KAT5: variants seen among roughly 807,000 people sequenced by gnomAD.
KAT5 encodes the protein histone acetyltransferase KAT5.
A neutral mutation model predicts 68.1 loss-of-function variants in KAT5; 31 were observed. That is an observed-to-expected ratio of 0.46 (90% CI 0.34 to 0.61). The LOEUF is 0.61. Among genes scored for constraint, KAT5 ranks in the 20% least tolerant of loss-of-function variants. The pLI is 0.01. For missense variants in KAT5, 451 were observed against 725.5 expected (o/e 0.62, Z 4.35); for synonymous variants, 365 against 292.6 (o/e 1.25, Z -2.52).
Position 65,714,744 on chromosome 11 carries a change from G to A in KAT5, c.939+1G>A. ...TCTCAAGTGTCTTCAGCGTCATTTG[G>A]TATGAGGGGTCCAGGGAGGCTGCCT... On this transcript the variant is annotated splice_donor_variant, in intron 7 of 12. Transcript: ENST00000341318. LOFTEE classifies it high-confidence loss of function. 6.2e-7 allele frequency: 1 copy of A among 1,614,158 alleles called. No homozygotes were observed. The highest frequency in any genetic ancestry group is 1.3e-5 in the African/African-American group (1 of 75,020).
chr11:65,714,555 T>C lies in KAT5; in HGVS notation c.751T>C (p.Ser251Pro). The change falls in exon 7 of 13, where the codon TCT (serine) becomes CCT (proline). Residue 251 changes from serine to proline, a missense_variant. Physicochemically the swap from Ser to Pro is moderately conservative, Grantham distance 74 (BLOSUM62 -1). This residue lies in a region of KAT5 where 210 missense variants were observed against 423.7 expected (regional missense o/e 0.50). Coordinates refer to ENST00000341318, the MANE Select transcript of KAT5 (RefSeq NM_182710.3). ...SAPRMTGSLV[S>P]DRSHDDIVTR... is the part of the protein sequence containing the mutation. ...ACCACGCATGACTGGCAGCCTGGTG[T>C]CTGATCGAAGCCACGACGACATCGT... 1 of 1,614,126 alleles carries C rather than the reference T, an allele frequency of 6.2e-7. No individual in the cohort carries two copies. The highest frequency in any genetic ancestry group is 2.2e-5 in the East Asian group (1 of 44,876).
chr11:65,715,556 C>A (rs776988750), intron 8 of KAT5, among the ~76,000 whole-genome samples: 2 of 149,636 alleles, frequency 1.3e-5, no homozygotes, highest in Non-Finnish European at 3.0e-5. Flanking sequence ...GTCAGGAGAT[C>A]GAGACCATCC....
In KAT5 at chr11:65,719,211, G is replaced by A. The variant is rs200332583; in HGVS notation, c.*30G>A. On this transcript the variant is annotated 3_prime_UTR_variant, in exon 13 of 13. Transcript: ENST00000341318. The stretch of plus-strand genomic sequence containing the variant: ...ACACTGCCCACTGCAGTGCCAAGAC[G>A]GCAGCAGGACTGGGGCTGATAGCCC... 1,740 of 1,609,700 alleles carry A rather than the reference G, an allele frequency of 1.1e-3. 28 individuals carry two copies. In the South Asian group the frequency reaches 0.018, roughly 16 times the overall value.
chr11:65,712,625 G>T (rs1397890910), intron 1 of KAT5, 141 bp from the exon 2 acceptor site: 1 of 1,219,324 alleles, frequency 8.2e-7, no homozygotes, highest in Non-Finnish European at 1.2e-6. Flanking sequence ...GAAAGGGGTG[G>T]CACTTGTGAC....
chr11:65,714,219 C>A, intron 6 of KAT5: 1 of 538,738 alleles, frequency 1.9e-6, no homozygotes, highest in Non-Finnish European at 3.3e-6. Flanking sequence ...TGCTTGAACC[C>A]CGGAGGTGGA....
rs1469964089 is a variant in KAT5, at chr11:65,718,724, G to A, written c.1399G>A (p.Gly467Arg). 6.2e-7 allele frequency: 1 copy of A among 1,614,160 alleles called. No individual in the cohort carries two copies. The change falls in exon 11 of 13, where the codon GGG (glycine) becomes AGG (arginine). Residue 467 changes from glycine (G) to arginine (R), a missense_variant. Physicochemically the swap from Gly to Arg is moderately radical, Grantham distance 125. Transcript: ENST00000341318. ...CCTGATGGGGCTGAAGTCGGAGAGC[G>A]GGGAGAGGCCACAGATCACCATCAA... The part of the protein sequence containing the change: ...EILMGLKSES[G>R]ERPQITINEI...
chr11:65,719,325 G>A lies in KAT5; in HGVS notation c.*144G>A, dbSNP rs994156650. 3.0e-6 allele frequency: 3 copies of A among 995,888 alleles called. No individual in the cohort carries two copies. In the African/African-American group the frequency reaches 4.9e-5, roughly 16 times the overall value. The allele number at this position is 995,888 out of a possible 1,614,324, so 61.7% of individuals were successfully genotyped here. A position where few individuals can be genotyped will look rare whatever the true frequency, so the allele number is the denominator to read the frequency against. On this transcript the variant is annotated 3_prime_UTR_variant, in exon 13 of 13. Coordinates refer to ENST00000341318, the MANE Select transcript of KAT5 (RefSeq NM_182710.3). ...AAAGGAGAGGACAGGCCTGGCAGGG[G>A]CCCACTGGTGCCCAGCACCAAGGCG...
chr11:65,713,779 A>T lies in KAT5; in HGVS notation c.621A>T (p.Gly207=). The change falls in exon 6 of 13, where the codon GGA becomes GGT. Residue 207 remains glycine, a synonymous_variant. Transcript: ENST00000341318. ...TAPASVFPQN[G]AARRAVAAQP... is the part of the protein sequence containing the mutation. ...TTTTCCTACTATCTCGGCAGAATGG[A>T]GCCGCCCGTAGGGCAGTGGCAGCCC... The T allele has an allele frequency of 6.2e-7, 1 of 1,611,634 alleles. No individual in the cohort carries two copies. Among genetic ancestry groups the T allele is most frequent in the Non-Finnish European group, 8.5e-7 (1 of 1,178,902 alleles).
chr11:65,712,802 G>A lies in KAT5; in HGVS notation c.215G>A (p.Gly72Asp), dbSNP rs1857067556. The A allele has an allele frequency of 1.9e-6, 3 of 1,614,112 alleles. No individual in the cohort carries two copies. The highest frequency in any genetic ancestry group is 2.7e-5 in the African/African-American group (2 of 75,010). ...ATCCTGAGCGTGAAGGACATCAGTG[G>A]CCGGAAGCTTTTCTACGTCCATTAC... is the stretch of plus-strand genomic sequence containing the variant. The part of the protein sequence containing the change: ...AEILSVKDIS[G>D]RKLFYVHYID... The change falls in exon 2 of 13, where the codon GGC (glycine) becomes GAC (aspartate). Residue 72 changes from glycine (G) to aspartate (D), a missense_variant. Gly to Asp is a moderately conservative substitution (Grantham distance 94). Transcript: ENST00000341318.
intron 12 of KAT5, 31 bp downstream of exon 12, chr11:65,718,985 TG>T (rs768739861): frequency 1.2e-6 from 2 of 1,613,934 alleles, no homozygotes; most frequent in African/African-American, 2.7e-5. Context: ...GACAGGTGTG[TG>T]GGATGCAGAG....
At chr11:65,713,991 C>T (rs1857115898) in intron 6 of KAT5, 143 bp downstream of exon 6, 1 of 776,016 alleles carries the variant, frequency 1.3e-6, no homozygotes, top group Non-Finnish European at 2.1e-6. Context: ...ACAGGCAGAA[C>T]ATTGTTCAAA....
At chr11:65,712,208 G>A (rs1486265003), upstream of KAT5, 42 of 1,374,036 alleles carry the variant, frequency 3.1e-5, no homozygotes, top group Non-Finnish European at 3.7e-5. Flanking sequence ...CCCACAGGGC[G>A]CTCGGTCCCG....
At chr11:65,714,432 T>G (rs1388677416) in intron 6 of KAT5, 63 bp from the exon 7 acceptor site, 2 of 1,572,652 alleles carry the variant, frequency 1.3e-6, no homozygotes, top group Non-Finnish European at 1.7e-6. Flanking sequence ...CAAAGGGCTG[T>G]GAGCTGTGGT....
chr11:65,713,166 T>C, intron 3 of KAT5, 108 bp downstream of exon 3: 1 of 1,455,978 alleles, frequency 6.9e-7, no homozygotes, highest in Non-Finnish European at 9.4e-7. Context: ...TCACCCTGAC[T>C]TCATCTTGCA....
In KAT5 at chr11:65,713,710, C is replaced by T. The variant is rs186177099; in HGVS notation, c.615+43C>T. ...TCTCTTGTTCTCTTCCTCTCTTCTA[C>T]TCTCTGGTGGCTTTTTTCAGGCTCA... On this transcript the variant is annotated intron_variant, in intron 5 of 12. Coordinates refer to ENST00000341318, the MANE Select transcript of KAT5 (RefSeq NM_182710.3). 172 of 1,613,384 alleles carry T rather than the reference C, an allele frequency of 1.1e-4. No homozygotes were observed. In the East Asian group the frequency reaches 3.0e-3, roughly 28 times the overall value.
chr11:65,713,016 C>T lies in KAT5; in HGVS notation c.342C>T (p.Asn114=), dbSNP rs372595844. The part of the protein sequence containing the change: ...PKKEAKTPTK[N]GLPGSRPGSP... The stretch of plus-strand genomic sequence containing the variant: ...AAGAGGCCAAGACCCCCACTAAGAA[C>T]GGACTTCCTGGGTCCCGTCCTGGCT... Residue 114 remains asparagine (N), a synonymous_variant, in exon 3 of 13, where the codon AAC becomes AAT. Coordinates refer to ENST00000341318, the MANE Select transcript of KAT5 (RefSeq NM_182710.3). 5.6e-6 allele frequency: 9 copies of T among 1,613,666 alleles called. No homozygotes were observed. The highest frequency in any genetic ancestry group is 2.2e-5 in the East Asian group (1 of 44,894).
At chr11:65,715,754 G>A (rs370571861) in intron 8 of KAT5, among the ~76,000 whole-genome samples, 3 of 150,136 alleles carry the variant, frequency 2.0e-5, no homozygotes, top group East Asian at 3.9e-4. Flanking sequence ...GCAAGACTTC[G>A]TGTAAAAAAA....
At position 65,716,658 on chromosome 11, in the gene KAT5, C is replaced by T. The variant is rs779035666; in HGVS notation, c.1030-9C>T. 2.5e-6 allele frequency: 4 copies of T among 1,612,968 alleles called. No homozygotes were observed. The highest frequency in any genetic ancestry group is 2.2e-5 in the East Asian group (1 of 44,894). ...TACCCAGAGTGGTGACAAGCCTTTT[C>T]TCTTGCAGAGTTATTCCCAGAACCT... On this transcript the variant is annotated splice_polypyrimidine_tract_variant and intron_variant, in intron 8 of 12. Transcript: ENST00000341318.
At chr11:65,712,741 G>A in intron 1 of KAT5, 25 bp from the exon 2 acceptor site, 1 of 1,613,420 alleles carries the variant, frequency 6.2e-7, no homozygotes, top group Non-Finnish European at 8.5e-7. Flanking sequence ...CCTGTCTAAG[G>A]CCCCTGTCTA....
Sources: gnomAD v4.1 joint callset for allele counts (sites outside exome capture counted in the v4.1 genomes callset) on GRCh38, gnomAD v4.1.1 for gene constraint, gnomAD v4.1.1 regional missense constraint, MANE v1.5 for transcripts, NCBI Gene and HGNC (gene_info 2026-07-23, HGNC 2026-07-21) for gene names.